UNC5D: variants seen among roughly 807,000 people sequenced by gnomAD.
The protein encoded by UNC5D is netrin receptor UNC5D.
A neutral mutation model predicts 105.4 loss-of-function variants in UNC5D; 39 were observed. That is an observed-to-expected ratio of 0.37 (90% CI 0.29 to 0.48). UNC5D has a LOEUF of 0.48. Among genes scored for constraint, UNC5D ranks in the 20% least tolerant of loss-of-function variants. The probability of loss-of-function intolerance (pLI) is 0.98; values close to 1 mark genes in which losing one functional copy is unlikely to be tolerated. For synonymous variants in UNC5D, 452 were observed against 450.4 expected (o/e 1.00, Z -0.04); for missense variants, 991 against 1,202.4 (o/e 0.82, Z 2.60).
chr8:35,782,924 AG>A (rs1802569208), intron 16 of UNC5D, among the ~76,000 whole-genome samples: 1 of 152,120 alleles, frequency 6.6e-6, no homozygotes, highest in South Asian at 2.1e-4. Flanking sequence ...ACTTGATCTC[AG>A]GGAACTCAAG....
At chr8:35,349,898 G>A (rs989149190) in intron 1 of UNC5D, among the ~76,000 whole-genome samples, 4 of 151,984 alleles carry the variant, frequency 2.6e-5, no homozygotes, top group African/African-American at 7.2e-5. Flanking sequence ...TGGCAGTAAA[G>A]GATACAGTGA....
intron 3 of UNC5D, among the ~76,000 whole-genome samples, chr8:35,589,406 CTT>C (rs34226092): frequency 6.6e-5 from 9 of 136,302 alleles, no homozygotes; most frequent in Admixed American, 7.4e-5. Context: ...GAGCTCTCAT[CTT>C]TTTTTTTTTT....
At chr8:35,330,867 G>C (rs1044345022) in intron 1 of UNC5D, among the ~76,000 whole-genome samples, 8 of 152,146 alleles carry the variant, frequency 5.3e-5, no homozygotes, top group Admixed American at 2.0e-4. Context: ...AGTGATAAGT[G>C]GGTTTAAAAA....
chr8:35,576,809 T>A (rs1320387627), intron 3 of UNC5D, among the ~76,000 whole-genome samples: 1 of 152,138 alleles, frequency 6.6e-6, no homozygotes, highest in Admixed American at 6.5e-5. Context: ...GAGATGGGGT[T>A]TCACTATGTT....
At chr8:35,668,919 C>T (rs1230707026) in intron 4 of UNC5D, among the ~76,000 whole-genome samples, 1 of 151,960 alleles carries the variant, frequency 6.6e-6, no homozygotes, top group East Asian at 1.9e-4. Flanking sequence ...TCATGAATTT[C>T]TGATTTGTCT....
chr8:35,774,220 G>C, intron 15 of UNC5D, 79 bp from the exon 16 acceptor site: 1 of 1,550,284 alleles, frequency 6.5e-7, no homozygotes, highest in Non-Finnish European at 8.8e-7. Flanking sequence ...TGTTAACCCA[G>C]ATTTTCTTAA....
intron 10 of UNC5D, chr8:35,726,788 G>A (rs1048023976): frequency 9.6e-6 from 5 of 522,672 alleles, no homozygotes; most frequent in African/African-American, 1.9e-5. Context: ...TTGCCTGAAA[G>A]GTTTGGGTAG....
intron 1 of UNC5D, among the ~76,000 whole-genome samples, chr8:35,281,880 T>C (rs948662170): frequency 6.6e-6 from 1 of 152,232 alleles, no homozygotes; most frequent in African/African-American, 2.4e-5. Flanking sequence ...TAAATCTAGA[T>C]ATCCTTTTTG....
Position 35,792,820 on chromosome 8 carries a change from AG to A in UNC5D, c.*2259del, listed in dbSNP as rs911560934. 1.2e-5 allele frequency: 4 copies of A among 338,098 alleles called. No homozygotes were observed. Among genetic ancestry groups the A allele is most frequent in the Non-Finnish European group, 2.3e-5 (4 of 177,386 alleles). The allele number at this position is 338,098 out of a possible 1,614,324, so 20.9% of individuals were successfully genotyped here. A position where few individuals can be genotyped will look rare whatever the true frequency, so the allele number is the denominator to read the frequency against. On this transcript the variant is annotated 3_prime_UTR_variant, in exon 17 of 17. Coordinates refer to ENST00000404895, the MANE Select transcript of UNC5D (RefSeq NM_080872.4). ...TTTCATCTACTCTGTGAATCTACAT[AG>A]GTCTTTTTTTTTAGATGTTTGATAC...
intron 1 of UNC5D, among the ~76,000 whole-genome samples, chr8:35,533,859 A>C (rs900338656): frequency 2.0e-5 from 3 of 151,450 alleles, no homozygotes; most frequent in African/African-American, 7.3e-5. Context: ...GGACTCCCTG[A>C]CCCCTTGCGC....
Position 35,295,192 on chromosome 8 carries a change from G to A in UNC5D, c.103+59305G>A, listed in dbSNP as rs149187579. The stretch of plus-strand genomic sequence containing the variant: ...TTTACATTTCTCTCAACTGAAAATG[G>A]CTCCATGTGTTATCTGTAAGTGTTT... On this transcript the variant is annotated intron_variant, in intron 1 of 16. Coordinates refer to ENST00000404895, the MANE Select transcript of UNC5D (RefSeq NM_080872.4). Among the ~76,000 whole-genome samples, 561 of 152,170 alleles carry A rather than the reference G, an allele frequency of 3.7e-3. 4 individuals carry two copies. Among genetic ancestry groups the A allele is most frequent in the African/African-American group, 0.013 (546 of 41,510 alleles).
chr8:35,315,505 T>C (rs1381141100), intron 1 of UNC5D, among the ~76,000 whole-genome samples: 3 of 152,156 alleles, frequency 2.0e-5, no homozygotes, highest in Non-Finnish European at 4.4e-5. Flanking sequence ...CTGGTTCACA[T>C]GACAGCCAGG....
chr8:35,495,357 T>G (rs557266977), intron 1 of UNC5D, among the ~76,000 whole-genome samples: 1 of 150,064 alleles, frequency 6.7e-6, no homozygotes, highest in East Asian at 2.0e-4. Flanking sequence ...TAGAGCAGGG[T>G]GTCCAATCTT....
At chr8:35,274,403 A>G (rs1179435587) in intron 1 of UNC5D, among the ~76,000 whole-genome samples, 1 of 152,210 alleles carries the variant, frequency 6.6e-6, no homozygotes, top group Non-Finnish European at 1.5e-5. Flanking sequence ...GAGAGAAAAT[A>G]ATTGTCTAGC....
chr8:35,500,822 G>T (rs1395358138), intron 1 of UNC5D, among the ~76,000 whole-genome samples: 1 of 152,192 alleles, frequency 6.6e-6, no homozygotes, highest in Non-Finnish European at 1.5e-5. Flanking sequence ...GAATTCACTG[G>T]ATATTTTCCA....
chr8:35,606,026 C>T (rs929219525), intron 4 of UNC5D, among the ~76,000 whole-genome samples: 10 of 151,568 alleles, frequency 6.6e-5, no homozygotes, highest in Admixed American at 1.3e-4. Context: ...CTCACTCTGC[C>T]GCCCAGGCTG....
chr8:35,778,261 G>T (rs1802347161), intron 16 of UNC5D, among the ~76,000 whole-genome samples: 1 of 152,174 alleles, frequency 6.6e-6, no homozygotes, highest in African/African-American at 2.4e-5. Flanking sequence ...TGGAGAAGAA[G>T]AATAGAAGAA....
chr8:35,429,196 T>A (rs983083844), intron 1 of UNC5D, among the ~76,000 whole-genome samples: 4 of 152,182 alleles, frequency 2.6e-5, no homozygotes, highest in African/African-American at 9.6e-5. Flanking sequence ...TCTTCTTTGA[T>A]AATGAAGAAC....
intron 8 of UNC5D, among the ~76,000 whole-genome samples, chr8:35,719,900 C>T (rs1407997715): frequency 6.6e-6 from 1 of 152,130 alleles, no homozygotes; most frequent in Non-Finnish European, 1.5e-5. Flanking sequence ...AGTTCCTCTA[C>T]TCATTTTTAA....
Sources: gnomAD v4.1 joint callset for allele counts (sites outside exome capture counted in the v4.1 genomes callset) on GRCh38, gnomAD v4.1.1 for gene constraint, MANE v1.5 for transcripts, NCBI Gene and HGNC (gene_info 2026-07-23, HGNC 2026-07-21) for gene names.